Variants in CNTRL observed in about 807,000 individuals in gnomAD.
CNTRL encodes the protein centriolin.
CNTRL carries 233 observed loss-of-function variants against 303.7 expected under a neutral mutation model. The observed-to-expected ratio is 0.77, with a 90% CI of 0.69 to 0.86. CNTRL has a LOEUF of 0.86. CNTRL is among the 40% of genes least tolerant of loss of function. The pLI is 0.00. For synonymous variants in CNTRL, 900 were observed against 922.2 expected (o/e 0.98, Z 0.44); for missense variants, 2,524 against 2,650.6 (o/e 0.95, Z 1.05).
Position 121,164,992 on chromosome 9 carries a change from GA to G in CNTRL, c.5477del (p.Lys1826SerfsTer4). Reference sequence around the variant, plus strand: ...TAGCAAAATGGAGCAATCAAACTTAGAAAAGTTGGAATTGAATGTCAGAAAA... The same window carrying G: ...TAGCAAAATGGAGCAATCAAACTTAGAAAGTTGGAATTGAATGTCAGAAAA... ...ENSKMEQSNL[E>X]KLELNVRKLQ... On this transcript the variant is annotated frameshift_variant, in exon 35 of 44. Coordinates refer to ENST00000373855, the MANE Select transcript of CNTRL (RefSeq NM_007018.6). LOFTEE classifies it high-confidence loss of function. 1 of 1,612,406 alleles carries G rather than the reference GA, an allele frequency of 6.2e-7. No individual in the cohort carries two copies.
intron 43 of CNTRL, among the ~76,000 whole-genome samples, chr9:121,175,517 C>T (rs2053485999): frequency 6.6e-6 from 1 of 152,222 alleles, no homozygotes; most frequent in African/African-American, 2.4e-5. Flanking sequence ...GATCCTCCTG[C>T]CTCGGCCTCC....
In CNTRL at chr9:121,141,412, A is replaced by G; in HGVS notation, c.2515A>G (p.Ser839Gly). 1 of 1,613,918 alleles carries G rather than the reference A, an allele frequency of 6.2e-7. No individual in the cohort carries two copies. The highest frequency in any genetic ancestry group is 8.5e-7 in the Non-Finnish European group (1 of 1,179,880). Residue 839 changes from serine (S) to glycine (G), a missense_variant, in exon 18 of 44, where the codon AGT becomes GGT. By Grantham distance (56) the Ser-to-Gly change is moderately conservative. Transcript: ENST00000373855. ...IHSPSDVLGK[S>G]LADLQKQFSE... ...TAGTCCTTCAGATGTCTTAGGGAAA[A>G]GTCTTGCTGATTTACAGAAACAATT...
intron 15 of CNTRL, among the ~76,000 whole-genome samples, chr9:121,138,317 G>A (rs531353292): frequency 6.6e-6 from 1 of 152,222 alleles, no homozygotes; most frequent in Non-Finnish European, 1.5e-5. Context: ...TGGTGTATTT[G>A]GGCTGAGCTG....
rs372623233 is a variant in CNTRL, at chr9:121,107,844, T to C, written c.851T>C (p.Ile284Thr). Residue 284 changes from isoleucine to threonine, a missense_variant, in exon 8 of 44, where the codon ATA becomes ACA. Transcript: ENST00000373855. ...RLERDLEKKM[I>T]ETEELKSKQT... ...GAAAGAGACCTAGAAAAAAAGATGA[T>C]AGAAACTGAAGAGCTTAAGAGCAAA... 6 of 1,593,976 alleles carry C rather than the reference T, an allele frequency of 3.8e-6. No homozygotes were observed. Among genetic ancestry groups the C allele is most frequent in the East Asian group, 2.2e-5 (1 of 44,474 alleles).
Position 121,141,570 on chromosome 9 carries a change from G to C in CNTRL, c.2673G>C (p.Glu891Asp), listed in dbSNP as rs546086670. ...AAGAAGAGTTCAGGCAGGCCTGTGAGAGAGCCCTGGAAGCAAGAGTAAGAC... is the reference window on the plus strand; with the variant it reads ...AAGAAGAGTTCAGGCAGGCCTGTGACAGAGCCCTGGAAGCAAGAGTAAGAC... ...TGQEEFRQAC[E>D]RALEARMNFD... The change falls in exon 18 of 44, where the codon GAG (glutamate) becomes GAC (aspartate). Residue 891 changes from glutamate (E) to aspartate (D), a missense_variant. Coordinates refer to ENST00000373855, the MANE Select transcript of CNTRL (RefSeq NM_007018.6). The C allele has an allele frequency of 6.2e-7, 1 of 1,614,040 alleles. No homozygotes were observed. The highest frequency in any genetic ancestry group is 8.5e-7 in the Non-Finnish European group (1 of 1,179,988).
chr9:121,090,556 T>C, intron 4 of CNTRL, 151 bp downstream of exon 4: 1 of 718,264 alleles, frequency 1.4e-6, no homozygotes, highest in South Asian at 2.2e-5. Flanking sequence ...ATATGACATT[T>C]CCAAATTAAT....
chr9:121,143,086 C>A (rs185221663), intron 19 of CNTRL, among the ~76,000 whole-genome samples: 1 of 152,236 alleles, frequency 6.6e-6, no homozygotes, highest in East Asian at 1.9e-4. Context: ...AGTTACCAAT[C>A]TCAAATAGAC....
At position 121,177,380 on chromosome 9, in the gene CNTRL, A is replaced by G; in HGVS notation, c.*194A>G. 2.2e-6 allele frequency: 1 copy of G among 453,208 alleles called. No homozygotes were observed. Among genetic ancestry groups the G allele is most frequent in the Non-Finnish European group, 3.9e-6 (1 of 258,544 alleles). 28.1% of individuals were successfully genotyped at this position (453,208 alleles called of 1,614,324 possible). A position where few individuals can be genotyped will look rare whatever the true frequency, so the allele number is the denominator to read the frequency against. ...TCACTTGTACATAGTACATATGGGA[A>G]TAGTTGCATATGGGAATTTAAACCA... is the stretch of plus-strand genomic sequence containing the variant. On this transcript the variant is annotated 3_prime_UTR_variant, in exon 44 of 44. Coordinates refer to ENST00000373855, the MANE Select transcript of CNTRL (RefSeq NM_007018.6).
intron 4 of CNTRL, among the ~76,000 whole-genome samples, chr9:121,092,408 C>A: frequency 8.0e-6 from 1 of 125,424 alleles, no homozygotes; most frequent in South Asian, 2.5e-4. Flanking sequence ...AAGGCATCAG[C>A]CTAGATGACA....
At chr9:121,081,037 T>C (rs944027771) in intron 2 of CNTRL, among the ~76,000 whole-genome samples, 1 of 152,202 alleles carries the variant, frequency 6.6e-6, no homozygotes, top group Non-Finnish European at 1.5e-5. Flanking sequence ...CTAACGCTAA[T>C]AGACTGAGTG....
rs372455156 is a variant in CNTRL at position 121,173,516 on chromosome 9, G to T, written c.6684+7G>T. 3.2e-5 allele frequency: 52 copies of T among 1,612,922 alleles called. No individual in the cohort carries two copies. The highest frequency in any genetic ancestry group is 1.7e-4 in the Middle Eastern group (1 of 6,056). On this transcript the variant is annotated splice_region_variant and intron_variant, in intron 41 of 43. Coordinates refer to ENST00000373855, the MANE Select transcript of CNTRL (RefSeq NM_007018.6). ...TTCCCAAGTTCACATAATGGTAAGG[G>T]TTTATCCTGCTATTCTCTGGGTTCG... is the stretch of plus-strand genomic sequence containing the variant.
At position 121,148,824 on chromosome 9, in the gene CNTRL, C is replaced by T; in HGVS notation, c.3612C>T (p.Pro1204=). 1.9e-6 allele frequency: 3 copies of T among 1,613,772 alleles called. No individual in the cohort carries two copies. Among genetic ancestry groups the T allele is most frequent in the Non-Finnish European group, 2.5e-6 (3 of 1,179,986 alleles). ...CCTCAGGATACTGGGTTTATTCTCC[C>T]ATCAGGAGTGGGTTACATAAACTGT... ...PPASGYWVYS[P]IRSGLHKLFP... is the part of the protein sequence containing the mutation. The change falls in exon 24 of 44, where the codon CCC becomes CCT. Residue 1204 remains proline, a synonymous_variant. Coordinates refer to ENST00000373855, the MANE Select transcript of CNTRL (RefSeq NM_007018.6).
chr9:121,177,168 G>C lies in CNTRL; in HGVS notation c.6960G>C (p.Lys2320Asn). The stretch of plus-strand genomic sequence containing the variant: ...TTCCTTTTGTCTTACTGTAGGAAAA[G>C]AATGCCTCAGCCAGATGAGGAATAC... ...EDSQLGQNQE[K>N]NASAR The change falls in exon 44 of 44, where the codon AAG becomes AAC. Residue 2320 changes from lysine to asparagine, a missense_variant. Transcript: ENST00000373855. The C allele has an allele frequency of 6.2e-7, 1 of 1,611,178 alleles. No individual in the cohort carries two copies. The highest frequency in any genetic ancestry group is 8.5e-7 in the Non-Finnish European group (1 of 1,178,088).
intron 34 of CNTRL, among the ~76,000 whole-genome samples, chr9:121,163,352 TTTTATA>T (rs973515558): frequency 1.3e-5 from 2 of 149,044 alleles, no homozygotes; most frequent in African/African-American, 4.9e-5. Context: ...TACATATTTA[TTTTATA>T]TTTATATATA....
chr9:121,161,498 T>G (rs1384305653), intron 32 of CNTRL: 9 of 337,768 alleles, frequency 2.7e-5, no homozygotes, highest in Non-Finnish European at 4.2e-5. Context: ...TAAATGTTTT[T>G]GTTAAAATGT....
intron 8 of CNTRL, among the ~76,000 whole-genome samples, chr9:121,110,850 A>G (rs2049715537): frequency 6.6e-6 from 1 of 152,096 alleles, no homozygotes; most frequent in Non-Finnish European, 1.5e-5. Context: ...TTCATTTGAC[A>G]TCTATTTTGC....
chr9:121,136,591 A>C (rs1046052761), intron 15 of CNTRL, among the ~76,000 whole-genome samples: 2 of 152,126 alleles, frequency 1.3e-5, no homozygotes, highest in Non-Finnish European at 2.9e-5. Context: ...GATTACAGGC[A>C]TGGGCCACCG....
intron 43 of CNTRL, 28 bp from the exon 44 acceptor site, chr9:121,177,135 A>G (rs375954710): frequency 1.3e-6 from 2 of 1,599,622 alleles, no homozygotes. Context: ...CAAGAATTTG[A>G]TTTATCCTTC....
chr9:121,138,470 A>G, intron 15 of CNTRL, 75 bp from the exon 16 acceptor site: 1 of 1,480,868 alleles, frequency 6.8e-7, no homozygotes, highest in East Asian at 2.3e-5. Context: ...TGTATATGTA[A>G]ATTTATTTGT....
Sources: gnomAD v4.1 joint callset for allele counts (sites outside exome capture counted in the v4.1 genomes callset) on GRCh38, gnomAD v4.1.1 for gene constraint, MANE v1.5 for transcripts, NCBI Gene and HGNC (gene_info 2026-07-23, HGNC 2026-07-21) for gene names.